RSBN1L: variants seen among roughly 807,000 people sequenced by gnomAD.
RSBN1L encodes lysine-specific demethylase RSBN1L.
RSBN1L carries 30 observed loss-of-function variants against 67.7 expected under a neutral mutation model. The observed-to-expected ratio is 0.44, with a 90% CI of 0.33 to 0.60. The LOEUF is 0.60. RSBN1L is among the 20% of genes least tolerant of loss of function. The probability of loss-of-function intolerance (pLI) is 0.02; values close to 1 mark genes in which losing one functional copy is unlikely to be tolerated. For missense variants in RSBN1L, 992 were observed against 1,031.7 expected (o/e 0.96, Z 0.53); for synonymous variants, 433 against 387.0 (o/e 1.12, Z -1.39).
chr7:77,698,568 A>G (rs979396978), intron 1 of RSBN1L, among the ~76,000 whole-genome samples: 12 of 152,246 alleles, frequency 7.9e-5, no homozygotes, highest in Non-Finnish European at 1.5e-4. Flanking sequence ...TAACAATTCT[A>G]ACTTAAAATG....
At chr7:77,778,313 C>G (rs1791945580) in intron 6 of RSBN1L, 25 bp from the exon 7 acceptor site, 1 of 1,515,726 alleles carries the variant, frequency 6.6e-7, no homozygotes, top group East Asian at 2.3e-5. Flanking sequence ...ATGGCAGATT[C>G]TTGTTATCTC....
At chr7:77,756,119 A>G (rs941408822) in intron 3 of RSBN1L, among the ~76,000 whole-genome samples, 1 of 151,954 alleles carries the variant, frequency 6.6e-6, no homozygotes, top group Non-Finnish European at 1.5e-5. Context: ...AAATGGTGCA[A>G]ATCTGACTTT....
At chr7:77,755,017 T>A (rs984582723) in intron 3 of RSBN1L, among the ~76,000 whole-genome samples, 1 of 152,184 alleles carries the variant, frequency 6.6e-6, no homozygotes, top group African/African-American at 2.4e-5. Context: ...ATAGTGAAAC[T>A]GTATATTTTG....
chr7:77,749,814 A>G lies in RSBN1L; in HGVS notation c.1094A>G (p.Tyr365Cys), dbSNP rs765403343. ...PNGGASVIHA[Y>C]SNELSHLSPM... Reference sequence around the variant, plus strand: ...GGAGGTGCATCGGTTATCCATGCCTACAGTAACGAACTCTCCCACCTGTCT... The same window carrying G: ...GGAGGTGCATCGGTTATCCATGCCTGCAGTAACGAACTCTCCCACCTGTCT... Residue 365 changes from tyrosine to cysteine, a missense_variant, in exon 3 of 8, where the codon TAC (tyrosine) becomes TGC (cysteine). Tyr to Cys is a radical substitution (Grantham distance 194). Transcript: ENST00000334955. 22 of 1,614,082 alleles carry G rather than the reference A, an allele frequency of 1.4e-5. No individual in the cohort carries two copies. The South Asian group carries it at 2.0e-4, about 14-fold the overall frequency.
At chr7:77,700,419 T>C (rs1160847497) in intron 1 of RSBN1L, among the ~76,000 whole-genome samples, 1 of 152,240 alleles carries the variant, frequency 6.6e-6, no homozygotes, top group Non-Finnish European at 1.5e-5. Context: ...TGTGAAGTAT[T>C]TCAAGACAAA....
chr7:77,725,816 C>T (rs1791195492), intron 1 of RSBN1L, among the ~76,000 whole-genome samples: 1 of 151,882 alleles, frequency 6.6e-6, no homozygotes, highest in Admixed American at 6.6e-5. Context: ...TCTGGAACTC[C>T]TGACCTCAGG....
intron 1 of RSBN1L, among the ~76,000 whole-genome samples, chr7:77,712,903 C>G (rs945033499): frequency 2.6e-5 from 4 of 152,140 alleles, no homozygotes; most frequent in Admixed American, 6.6e-5. Flanking sequence ...GTTAAAGATA[C>G]ATACACTTTA....
intron 1 of RSBN1L, among the ~76,000 whole-genome samples, chr7:77,713,515 C>T (rs928558559): frequency 6.6e-6 from 1 of 152,002 alleles, no homozygotes; most frequent in Admixed American, 6.6e-5. Context: ...CGCCACCATG[C>T]CCGGCTAATT....
intron 3 of RSBN1L, among the ~76,000 whole-genome samples, chr7:77,761,791 ATAGT>A (rs779253096): frequency 2.0e-5 from 3 of 152,204 alleles, no homozygotes; most frequent in African/African-American, 2.4e-5. Context: ...GAAATGATAT[ATAGT>A]TAAAGGTTAT....
At chr7:77,766,686 A>G (rs1482052640) in intron 4 of RSBN1L, among the ~76,000 whole-genome samples, 1 of 152,172 alleles carries the variant, frequency 6.6e-6, no homozygotes, top group East Asian at 1.9e-4. Context: ...TTCAGGGTCC[A>G]GGTAAGCTGT....
chr7:77,738,713 C>T (rs774693062), intron 2 of RSBN1L, among the ~76,000 whole-genome samples: 5 of 151,940 alleles, frequency 3.3e-5, no homozygotes, highest in African/African-American at 4.8e-5. Flanking sequence ...TTTGGGAGGC[C>T]GAGGCAGGTG....
chr7:77,709,189 T>A lies in RSBN1L; in HGVS notation c.586+12134T>A, dbSNP rs1256852261. Among the ~76,000 whole-genome samples the A allele has an allele frequency of 5.9e-4, 70 of 118,084 alleles. 1 individual carries two copies. In the South Asian group the frequency reaches 9.2e-3, roughly 15 times the overall value. The allele number at this position is 118,084 out of a possible 152,430, so 77.5% of individuals were successfully genotyped here. On this transcript the variant is annotated intron_variant, in intron 1 of 7. Coordinates refer to ENST00000334955, the MANE Select transcript of RSBN1L (RefSeq NM_198467.3). ...GTGTGTGTGTGTGTGTGTGTGTGTG[T>A]GTGTGTGTATGTATGTGTATGTGTA...
intron 2 of RSBN1L, among the ~76,000 whole-genome samples, chr7:77,744,502 G>T (rs188972417): frequency 2.7e-4 from 41 of 152,020 alleles, no homozygotes; most frequent in African/African-American, 9.2e-4. Context: ...AGGGGGAGAC[G>T]TCTCACTCTC....
chr7:77,699,271 C>T (rs548506262), intron 1 of RSBN1L, among the ~76,000 whole-genome samples: 1 of 152,196 alleles, frequency 6.6e-6, no homozygotes, highest in South Asian at 2.1e-4. Context: ...TATAAAGACA[C>T]CTAAACAAGG....
At chr7:77,768,879 A>T (rs1791808988) in intron 5 of RSBN1L, 76 bp downstream of exon 5, 3 of 1,287,024 alleles carry the variant, frequency 2.3e-6, no homozygotes, top group Non-Finnish European at 3.3e-6. Flanking sequence ...TGAAAATTGG[A>T]GGAAGGAGGA....
chr7:77,716,317 GTTTTGT>G (rs892698747), intron 1 of RSBN1L, among the ~76,000 whole-genome samples: 5 of 151,682 alleles, frequency 3.3e-5, no homozygotes, highest in Non-Finnish European at 5.9e-5. Flanking sequence ...TTTTTGTTTT[GTTTTGT>G]TTTTGTTTTT....
chr7:77,735,495 C>T (rs1482097209), intron 1 of RSBN1L, among the ~76,000 whole-genome samples: 1 of 152,066 alleles, frequency 6.6e-6, no homozygotes, highest in Non-Finnish European at 1.5e-5. Context: ...AATCTAATCA[C>T]TACATGATTA....
Position 77,752,448 on chromosome 7 carries a change from A to T in RSBN1L, c.1344+2384A>T, listed in dbSNP as rs184712530. Among the ~76,000 whole-genome samples the T allele has an allele frequency of 8.3e-4, 126 of 152,242 alleles. 1 individual carries two copies. The East Asian group carries it at 0.022, about 27-fold the overall frequency. ...TGAGTGGGGAAGTTGTTGTGTGCAGATTGGGGAGGTAGCCTTTGATTTGTC... is the reference window on the plus strand; with the variant it reads ...TGAGTGGGGAAGTTGTTGTGTGCAGTTTGGGGAGGTAGCCTTTGATTTGTC... On this transcript the variant is annotated intron_variant, in intron 3 of 7. Coordinates refer to ENST00000334955, the MANE Select transcript of RSBN1L (RefSeq NM_198467.3).
chr7:77,745,739 C>T lies in RSBN1L; in HGVS notation c.704-3685C>T, dbSNP rs140580381. Among the ~76,000 whole-genome samples the T allele has an allele frequency of 6.9e-3, 1,053 of 152,232 alleles. 18 individuals carry two copies. Among genetic ancestry groups the T allele is most frequent in the African/African-American group, 0.024 (983 of 41,520 alleles). On this transcript the variant is annotated intron_variant, in intron 2 of 7. Coordinates refer to ENST00000334955, the MANE Select transcript of RSBN1L (RefSeq NM_198467.3). ...ACTACATTTATTGTGCACTTTATTT[C>T]TATTATTATACATTATAATATGTAA...
Sources: gnomAD v4.1 joint callset for allele counts (sites outside exome capture counted in the v4.1 genomes callset) on GRCh38, gnomAD v4.1.1 for gene constraint, MANE v1.5 for transcripts, NCBI Gene and HGNC (gene_info 2026-07-23, HGNC 2026-07-21) for gene names.